Variants in MTHFD1 observed in about 807,000 individuals in gnomAD.
The protein encoded by MTHFD1 is C-1-tetrahydrofolate synthase, cytoplasmic.
A neutral mutation model predicts 110.3 loss-of-function variants in MTHFD1; 44 were observed. The observed-to-expected ratio is 0.40, with a 90% confidence interval of 0.31 to 0.51. The LOEUF (loss-of-function observed/expected upper bound fraction) is 0.51. MTHFD1 is among the 20% of genes least tolerant of loss of function. The pLI, the probability that MTHFD1 is intolerant of heterozygous loss-of-function variation, is 0.60. For synonymous variants in MTHFD1, 402 were observed against 428.8 expected, an observed-to-expected ratio of 0.94 and a Z score of 0.77; for missense variants, 909 against 1,173.1, an observed-to-expected ratio of 0.77 and a Z score of 3.29.
chr14:64,446,186 A>G (rs1261783054), intron 22 of MTHFD1, among the ~76,000 whole-genome samples: 3 of 152,240 alleles, frequency 2.0e-5, no homozygotes, highest in Non-Finnish European at 4.4e-5. Context: ...ATGTGAGTTG[A>G]GTCCCCTTAA....
intron 3 of MTHFD1, 62 bp downstream of exon 3, chr14:64,411,211 C>T: frequency 1.5e-6 from 2 of 1,301,440 alleles, no homozygotes; most frequent in South Asian, 2.4e-5. Flanking sequence ...TATCGATTAC[C>T]CCTTGCCCTT....
At chr14:64,401,293 A>G (rs1218070519) in intron 2 of MTHFD1, among the ~76,000 whole-genome samples, 2 of 152,144 alleles carry the variant, frequency 1.3e-5, no homozygotes, top group African/African-American at 4.8e-5. Flanking sequence ...CTGCCAAAGC[A>G]TGGGTATTAC....
chr14:64,436,990 A>G (rs1229173963), intron 16 of MTHFD1, among the ~76,000 whole-genome samples: 2 of 152,014 alleles, frequency 1.3e-5, no homozygotes, highest in East Asian at 3.9e-4. Flanking sequence ...TTACAGCAAG[A>G]GTGGGGGGTG....
chr14:64,391,565 T>C (rs1442420550), intron 1 of MTHFD1, among the ~76,000 whole-genome samples: 1 of 152,234 alleles, frequency 6.6e-6, no homozygotes, highest in African/African-American at 2.4e-5. Flanking sequence ...ATTATTCTCC[T>C]TTTATGCCTT....
chr14:64,440,707 T>C, intron 18 of MTHFD1: 1 of 258,278 alleles, frequency 3.9e-6, no homozygotes, highest in Non-Finnish European at 7.6e-6. Flanking sequence ...TTGAGTTTGG[T>C]ATTTATAGAA....
intron 18 of MTHFD1, 45 bp from the exon 19 acceptor site, chr14:64,441,340 T>G (rs746452561): frequency 1.3e-6 from 2 of 1,586,294 alleles, no homozygotes; most frequent in African/African-American, 1.3e-5. Flanking sequence ...GAAGGTTGGG[T>G]TTTTTTGCTG....
chr14:64,393,696 T>G (rs2077825169), intron 1 of MTHFD1, among the ~76,000 whole-genome samples: 1 of 151,982 alleles, frequency 6.6e-6, no homozygotes, highest in Non-Finnish European at 1.5e-5. Context: ...ATCAGGGGAG[T>G]TGGGATCAGG....
intron 24 of MTHFD1, among the ~76,000 whole-genome samples, chr14:64,451,361 C>T (rs1189950599): frequency 6.6e-6 from 1 of 152,166 alleles, no homozygotes; most frequent in East Asian, 1.9e-4. Flanking sequence ...CTTTCAAAAA[C>T]AGCCATAAAA....
At chr14:64,420,376 G>A (rs2078058997) in intron 8 of MTHFD1, among the ~76,000 whole-genome samples, 1 of 152,168 alleles carries the variant, frequency 6.6e-6, no homozygotes, top group African/African-American at 2.4e-5. Flanking sequence ...TCTAGGCTGA[G>A]AGGATAAATC....
rs775641356 is a variant in MTHFD1, at chr14:64,453,831, T to G, written c.2535T>G (p.Ala845=). ...GADDIELLPE[A]QHKAEVYTKQ... The stretch of plus-strand genomic sequence containing the variant: ...ATGACATTGAATTACTTCCCGAAGC[T>G]CAACACAAAGCTGAAGTCTACACGA... Residue 845 remains alanine (A), a synonymous_variant, in exon 25 of 28, where the codon GCT becomes GCG. Transcript: ENST00000652337. 1.2e-6 allele frequency: 2 copies of G among 1,611,858 alleles called. No homozygotes were observed. Among genetic ancestry groups the G allele is most frequent in the Admixed American group, 3.3e-5 (2 of 60,024 alleles).
chr14:64,408,598 G>A (rs768609178), intron 2 of MTHFD1, among the ~76,000 whole-genome samples: 9 of 152,062 alleles, frequency 5.9e-5, no homozygotes, highest in African/African-American at 1.7e-4. Context: ...CAGAATACAC[G>A]TTCTTTAAAC....
intron 23 of MTHFD1, 22 bp downstream of exon 23, chr14:64,448,339 A>G (rs374435917): frequency 1.4e-5 from 22 of 1,554,486 alleles, no homozygotes; most frequent in Non-Finnish European, 2.0e-5. Context: ...GTGTAAGCGA[A>G]AAGGATGAAT....
intron 6 of MTHFD1, 110 bp downstream of exon 6, chr14:64,415,849 T>C: frequency 2.8e-6 from 3 of 1,068,860 alleles, no homozygotes; most frequent in Non-Finnish European, 4.2e-6. Flanking sequence ...TGGACTTGAT[T>C]GGCAGAAGGG....
chr14:64,425,578 C>A, intron 9 of MTHFD1, 152 bp from the exon 10 acceptor site: 1 of 723,370 alleles, frequency 1.4e-6, no homozygotes. Context: ...ATGTTAGGTG[C>A]CTCTTGACTC....
Position 64,430,223 on chromosome 14 carries a change from T to G in MTHFD1, c.1304T>G (p.Met435Arg), listed in dbSNP as rs201274183. ...AGGGYSQVIP[M>R]EEFNLHLTGD... ...GGCGGCTACTCCCAGGTCATTCCTA[T>G]GGAAGAGGTAAAGTATTCTGGGATT... The change falls in exon 13 of 28, where the codon ATG (methionine) becomes AGG (arginine). Residue 435 changes from methionine (M) to arginine (R), a missense_variant. Around this residue, in one of 3 missense-constraint regions of MTHFD1, gnomAD observed 482 missense variants for 646.0 expected, o/e 0.75. Transcript: ENST00000652337. The G allele has an allele frequency of 7.4e-6, 12 of 1,613,448 alleles. No homozygotes were observed. The highest frequency in any genetic ancestry group is 9.3e-6 in the Non-Finnish European group (11 of 1,179,962).
At chr14:64,421,003 C>T (rs2078065462) in intron 8 of MTHFD1, among the ~76,000 whole-genome samples, 1 of 152,208 alleles carries the variant, frequency 6.6e-6, no homozygotes, top group Non-Finnish European at 1.5e-5. Context: ...GGAGCAACTA[C>T]TGTGTATCCA....
intron 3 of MTHFD1, among the ~76,000 whole-genome samples, chr14:64,411,898 A>G (rs993608103): frequency 1.3e-5 from 2 of 152,040 alleles, no homozygotes; most frequent in African/African-American, 4.8e-5. Flanking sequence ...TGAAGCTCCA[A>G]CCAGAAAAAA....
intron 21 of MTHFD1, among the ~76,000 whole-genome samples, chr14:64,443,313 C>T (rs2078262779): frequency 6.6e-6 from 1 of 152,142 alleles, no homozygotes; most frequent in Non-Finnish European, 1.5e-5. Context: ...TACATGTAAA[C>T]ATAAAGAACT....
chr14:64,402,637 C>G (rs1055753207), intron 2 of MTHFD1, among the ~76,000 whole-genome samples: 4 of 151,940 alleles, frequency 2.6e-5, no homozygotes, highest in Non-Finnish European at 4.4e-5. Context: ...AAAGTGAGAT[C>G]CCATCTCCAC....
Sources: allele counts gnomAD v4.1 joint callset (sites outside exome capture counted in the v4.1 genomes callset), GRCh38; gene constraint gnomAD v4.1.1; regional missense constraint gnomAD v4.1.1; transcripts MANE v1.5; gene names NCBI Gene and HGNC (gene_info 2026-07-23, HGNC 2026-07-21).